MAEL: variants seen among roughly 807,000 people sequenced by gnomAD.
The protein encoded by MAEL is maelstrom spermatogenic transposon silencer.
Under a neutral mutation model 62.0 loss-of-function variants are expected in MAEL, and 46 were observed. The observed-to-expected ratio is 0.74, with a 90% CI of 0.59 to 0.95. The LOEUF is 0.95. Ranked by LOEUF, MAEL falls within the 40% of genes least tolerant of loss-of-function variation. MAEL has a pLI of 0.00. For synonymous variants in MAEL, 172 were observed against 175.5 expected, an observed-to-expected ratio of 0.98 and a Z score of 0.16; for missense variants, 497 against 526.8, an observed-to-expected ratio of 0.94 and a Z score of 0.55.
chr1:167,006,764 T>A (rs1664932029), intron 8 of MAEL, among the ~76,000 whole-genome samples: 2 of 150,746 alleles, frequency 1.3e-5, no homozygotes, highest in South Asian at 4.2e-4. Context: ...GCCTCTCGAG[T>A]AGTTGGGATT....
intron 8 of MAEL, chr1:167,012,416 T>C (rs1324108019): frequency 2.0e-5 from 3 of 152,198 alleles, no homozygotes; most frequent in Non-Finnish European, 4.4e-5. Flanking sequence ...CTTGGACTAA[T>C]TCACTGTCTA....
chr1:167,013,297 G>A lies in MAEL; in HGVS notation c.846-2925G>A, dbSNP rs151194586. Among the ~76,000 whole-genome samples, 350 of 152,224 alleles carry A rather than the reference G, an allele frequency of 2.3e-3. 4 individuals carry two copies. Among genetic ancestry groups the A allele is most frequent in the African/African-American group, 7.9e-3 (330 of 41,544 alleles). ...CACAGCACGTAGATGAGATCACCTC[G>A]GCAAACAGCAGAAAGAGAAGAGGAC... On this transcript the variant is annotated intron_variant, in intron 8 of 11. Coordinates refer to ENST00000367872, the MANE Select transcript of MAEL (RefSeq NM_032858.3).
At chr1:167,005,024 A>G in intron 6 of MAEL, 52 bp from the exon 7 acceptor site, 2 of 1,553,324 alleles carry the variant, frequency 1.3e-6, no homozygotes, top group South Asian at 2.3e-5. Flanking sequence ...TCAAAGTAGG[A>G]GAAGATACAA....
chr1:166,990,912 C>T (rs1289949575), intron 2 of MAEL, among the ~76,000 whole-genome samples: 1 of 152,156 alleles, frequency 6.6e-6, no homozygotes, highest in East Asian at 1.9e-4. Flanking sequence ...CTCAGTTGAG[C>T]TTGTACTTAT....
At position 167,012,296 on chromosome 1, in the gene MAEL, A is replaced by G. The variant is rs187240475; in HGVS notation, c.846-3926A>G. On this transcript the variant is annotated intron_variant, in intron 8 of 11. Coordinates refer to ENST00000367872, the MANE Select transcript of MAEL (RefSeq NM_032858.3). ...AATTGAGTACAGTTAGGCAAATTGA[A>G]TATTAGAATCTTAAGTAAACAGTCT... is the stretch of plus-strand genomic sequence containing the variant. The G allele has an allele frequency of 2.6e-5, 4 of 152,324 alleles. No homozygotes were observed. The East Asian group carries it at 7.7e-4, about 29-fold the overall frequency. The allele number at this position is 152,324 out of a possible 1,614,324, so 9.4% of individuals were successfully genotyped here. A position where few individuals can be genotyped will look rare whatever the true frequency, so the allele number is the denominator to read the frequency against.
At chr1:166,986,945 C>CGTTGT (rs1553234919), upstream of MAEL, among the ~76,000 whole-genome samples, 1 of 147,030 alleles carries the variant, frequency 6.8e-6, no homozygotes, top group Non-Finnish European at 1.5e-5. Flanking sequence ...AGGAAGGGGA[C>CGTTGT]GTGTGTGTGT....
chr1:166,994,569 G>A (rs1227808983), intron 5 of MAEL, among the ~76,000 whole-genome samples: 1 of 151,684 alleles, frequency 6.6e-6, no homozygotes, highest in Non-Finnish European at 1.5e-5. Flanking sequence ...GTGATTTTCT[G>A]CTTAAATAGA....
upstream of MAEL, chr1:166,989,175 C>G (rs1167198729): frequency 1.2e-6 from 1 of 863,778 alleles, no homozygotes; most frequent in African/African-American, 1.7e-5. Context: ...GAGCCGGAAT[C>G]TTCCAGTCTC....
intron 2 of MAEL, 44 bp downstream of exon 2, chr1:166,989,873 G>A: frequency 1.3e-6 from 2 of 1,485,392 alleles, no homozygotes; most frequent in Non-Finnish European, 9.3e-7. Flanking sequence ...TGGCACATAG[G>A]CATATTCAGT....
chr1:167,006,636 TACA>T (rs1205119357), intron 8 of MAEL, among the ~76,000 whole-genome samples: 48 of 92,326 alleles, frequency 5.2e-4, no homozygotes, highest in African/African-American at 1.5e-3. Context: ...TATATATATA[TACA>T]TTTTTTTTTT....
intron 2 of MAEL, chr1:166,990,390 C>G (rs1664120211): frequency 6.6e-6 from 1 of 152,290 alleles, no homozygotes; most frequent in Non-Finnish European, 1.5e-5. Context: ...CACGGTGGCT[C>G]ACGTCTGTAA....
chr1:166,995,666 A>C (rs1664395209), intron 5 of MAEL, among the ~76,000 whole-genome samples: 1 of 147,284 alleles, frequency 6.8e-6, no homozygotes, highest in African/African-American at 2.6e-5. Context: ...TTATTGAACT[A>C]GATGGCAGTT....
At chr1:166,985,136 G>A (rs552024974), upstream of MAEL, among the ~76,000 whole-genome samples, 1 of 152,170 alleles carries the variant, frequency 6.6e-6, no homozygotes, top group Non-Finnish European at 1.5e-5. Context: ...CAGCAAACAA[G>A]GTGAGCTCTG....
Position 167,021,168 on chromosome 1 carries a change from A to C in MAEL, c.1117+8A>C. 1 of 1,603,004 alleles carries C rather than the reference A, an allele frequency of 6.2e-7. No individual in the cohort carries two copies. The highest frequency in any genetic ancestry group is 1.1e-5 in the South Asian group (1 of 90,498). ...GATCAAACACACCCATTGGTAAGCA[A>C]CTTATATTTTACAAAAATGCACCTA... On this transcript the variant is annotated splice_region_variant and intron_variant, in intron 11 of 11. Transcript: ENST00000367872.
At chr1:166,996,668 T>C (rs1664440289) in intron 5 of MAEL, among the ~76,000 whole-genome samples, 1 of 152,206 alleles carries the variant, frequency 6.6e-6, no homozygotes, top group African/African-American at 2.4e-5. Flanking sequence ...AAATTACGAT[T>C]CTGAATTTTG....
At chr1:166,992,309 A>G (rs1319407597) in intron 3 of MAEL, among the ~76,000 whole-genome samples, 1 of 152,192 alleles carries the variant, frequency 6.6e-6, no homozygotes, top group African/African-American at 2.4e-5. Context: ...TTATATTACA[A>G]TCTTTCTACA....
In MAEL at chr1:166,989,319, T is replaced by G. The variant is rs766093776; in HGVS notation, c.-34T>G. The G allele has an allele frequency of 5.6e-6, 9 of 1,599,918 alleles. No individual in the cohort carries two copies. The highest frequency in any genetic ancestry group is 1.7e-4 in the Middle Eastern group (1 of 6,034). On this transcript the variant is annotated 5_prime_UTR_variant, in exon 1 of 12. Coordinates refer to ENST00000367872, the MANE Select transcript of MAEL (RefSeq NM_032858.3). Reference sequence around the variant, plus strand: ...CCCGGCGAGGGCGCCGGTGCTTTGTTCTGTCTGAGGCCAGGAAGTTTGACC... The same window carrying G: ...CCCGGCGAGGGCGCCGGTGCTTTGTGCTGTCTGAGGCCAGGAAGTTTGACC...
chr1:166,993,077 G>A (rs1394983747), intron 4 of MAEL, among the ~76,000 whole-genome samples: 1 of 152,122 alleles, frequency 6.6e-6, no homozygotes, highest in Non-Finnish European at 1.5e-5. Context: ...TAGACTATCT[G>A]AACAATTCAT....
intron 8 of MAEL, among the ~76,000 whole-genome samples, chr1:167,009,426 T>C (rs976179792): frequency 1.3e-5 from 2 of 152,194 alleles, no homozygotes; most frequent in African/African-American, 4.8e-5. Context: ...TCTGATCTTT[T>C]TGACTGGAGT....
Sources: gnomAD v4.1 joint callset for allele counts (sites outside exome capture counted in the v4.1 genomes callset) on GRCh38, gnomAD v4.1.1 for gene constraint, MANE v1.5 for transcripts, NCBI Gene and HGNC (gene_info 2026-07-23, HGNC 2026-07-21) for gene names.